The following HNF4G variants were observed in gnomAD, a reference collection of about 807,000 sequenced individuals.
HNF4G encodes the protein hepatocyte nuclear factor 4-gamma.
A neutral mutation model predicts 50.9 loss-of-function variants in HNF4G; 21 were observed. The observed-to-expected ratio is 0.41, with a 90% CI of 0.29 to 0.59. The LOEUF (loss-of-function observed/expected upper bound fraction) is 0.59, where lower values mean the gene tolerates loss of function less well. Ranked by LOEUF, HNF4G falls within the 20% of genes least tolerant of loss-of-function variation. The pLI is 0.26. For synonymous variants in HNF4G, 198 were observed against 185.6 expected, an observed-to-expected ratio of 1.07 and a Z score of -0.54; for missense variants, 527 against 559.4, an observed-to-expected ratio of 0.94 and a Z score of 0.58.
At chr8:75,525,946 A>C in intron 2 of HNF4G, among the ~76,000 whole-genome samples, 1 of 152,156 alleles carries the variant, frequency 6.6e-6, no homozygotes, top group East Asian at 1.9e-4. Flanking sequence ...GTAAAGGATG[A>C]ATCAGAAGCA....
At chr8:75,547,206 T>G (rs753598297) in intron 2 of HNF4G, among the ~76,000 whole-genome samples, 1 of 152,168 alleles carries the variant, frequency 6.6e-6, no homozygotes, top group Non-Finnish European at 1.5e-5. Context: ...GAGAAAAGCA[T>G]GAAAATACAG....
At chr8:75,440,647 A>G (rs1811257231) in intron 1 of HNF4G, among the ~76,000 whole-genome samples, 1 of 152,184 alleles carries the variant, frequency 6.6e-6, no homozygotes, top group East Asian at 1.9e-4. Context: ...GACCAAAATT[A>G]AAGGAAAAAA....
intron 5 of HNF4G, among the ~76,000 whole-genome samples, chr8:75,555,186 G>T (rs542260872): frequency 9.2e-5 from 14 of 152,296 alleles, no homozygotes; most frequent in African/African-American, 3.4e-4. Context: ...GATCACTTTG[G>T]CTTGTATTTT....
At chr8:75,438,367 T>C (rs938378410) in intron 1 of HNF4G, among the ~76,000 whole-genome samples, 3 of 152,170 alleles carry the variant, frequency 2.0e-5, no homozygotes, top group African/African-American at 7.2e-5. Flanking sequence ...CTAAAACTGT[T>C]TCAGAATTAC....
At chr8:75,444,131 C>T (rs1263972870) in intron 1 of HNF4G, among the ~76,000 whole-genome samples, 1 of 151,958 alleles carries the variant, frequency 6.6e-6, no homozygotes, top group Non-Finnish European at 1.5e-5. Context: ...ATTCAACATT[C>T]TTAAAGAAAA....
At chr8:75,451,150 T>C (rs1811575942) in intron 1 of HNF4G, among the ~76,000 whole-genome samples, 1 of 152,230 alleles carries the variant, frequency 6.6e-6, no homozygotes, top group Admixed American at 6.5e-5. Context: ...GAGAAATGTC[T>C]ATTCTGGTCC....
At chr8:75,483,852 T>C (rs963089922) in intron 1 of HNF4G, among the ~76,000 whole-genome samples, 4 of 152,192 alleles carry the variant, frequency 2.6e-5, no homozygotes, top group Admixed American at 2.0e-4. Flanking sequence ...GTTTCTTAGA[T>C]ATATTATCTC....
chr8:75,537,755 C>G (rs1020326608), upstream of HNF4G, among the ~76,000 whole-genome samples: 2 of 151,856 alleles, frequency 1.3e-5, no homozygotes, highest in African/African-American at 4.8e-5. Context: ...ATGTATGAGA[C>G]TTATGAAAAA....
At chr8:75,455,129 C>T (rs1264537630) in intron 1 of HNF4G, among the ~76,000 whole-genome samples, 1 of 152,016 alleles carries the variant, frequency 6.6e-6, no homozygotes, top group African/African-American at 2.4e-5. Context: ...ACTCATCTTC[C>T]AAATTAAGTA....
chr8:75,559,765 C>CAT (rs377692710), intron 8 of HNF4G, among the ~76,000 whole-genome samples: 1,742 of 151,378 alleles, frequency 0.012, 34 homozygotes, highest in African/African-American at 0.038. Context: ...CAACCTAATA[C>CAT]ATATATATAT....
At chr8:75,475,793 A>G (rs1812226219) in intron 1 of HNF4G, among the ~76,000 whole-genome samples, 1 of 152,142 alleles carries the variant, frequency 6.6e-6, no homozygotes, top group African/African-American at 2.4e-5. Flanking sequence ...TTTATAATAA[A>G]CCATAGAAGT....
At chr8:75,410,001 A>G (rs886148826) in intron 1 of HNF4G, among the ~76,000 whole-genome samples, 2 of 152,170 alleles carry the variant, frequency 1.3e-5, no homozygotes, top group African/African-American at 2.4e-5. Context: ...TGAATGGTTC[A>G]TATCATACTA....
At chr8:75,513,850 A>G (rs1805819190) in intron 2 of HNF4G, among the ~76,000 whole-genome samples, 1 of 151,378 alleles carries the variant, frequency 6.6e-6, no homozygotes, top group Admixed American at 6.6e-5. Context: ...ATTTTATTAT[A>G]TTTTATTTAG....
chr8:75,433,171 G>T (rs1811054720), intron 1 of HNF4G, among the ~76,000 whole-genome samples: 1 of 152,104 alleles, frequency 6.6e-6, no homozygotes, highest in Non-Finnish European at 1.5e-5. Context: ...GGAAGCTGAG[G>T]CAGGGGCATG....
chr8:75,458,365 CTAACT>C (rs1329160773), intron 1 of HNF4G, among the ~76,000 whole-genome samples: 1 of 126,768 alleles, frequency 7.9e-6, no homozygotes, highest in African/African-American at 3.2e-5. Context: ...GTTTAATGGT[CTAACT>C]TTTTTTTTTT....
intron 1 of HNF4G, among the ~76,000 whole-genome samples, chr8:75,482,312 T>C (rs954823997): frequency 1.3e-5 from 2 of 152,112 alleles, no homozygotes; most frequent in Non-Finnish European, 2.9e-5. Context: ...GTATTGATCT[T>C]GAAAGATATA....
At chr8:75,503,998 G>A (rs1043309507) in intron 2 of HNF4G, among the ~76,000 whole-genome samples, 3 of 152,078 alleles carry the variant, frequency 2.0e-5, no homozygotes, top group African/African-American at 7.2e-5. Flanking sequence ...GAGGCAGGTG[G>A]ATCATTTGAG....
rs530524380 is a variant in HNF4G, at chr8:75,426,591, C to T, written c.-144+18429C>T. On this transcript the variant is annotated intron_variant, in intron 1 of 10. Transcript: ENST00000354370. ...TCTCTCTGGGACACCTAAATTATAG[C>T]CACTGTTTTAACCTTAATAATATTG... Among the ~76,000 whole-genome samples the T allele has an allele frequency of 4.0e-4, 61 of 152,262 alleles. No individual in the cohort carries two copies. The South Asian group carries it at 9.5e-3, about 24-fold the overall frequency.
chr8:75,514,805 A>G (rs2977915), intron 2 of HNF4G, among the ~76,000 whole-genome samples: 121,745 of 152,078 alleles, frequency 0.8, 49,557 homozygotes, highest in African/African-American at 0.95. Context: ...ATTTTATTTT[A>G]TGATTTCTTT....
Sources: allele counts gnomAD v4.1 joint callset (sites outside exome capture counted in the v4.1 genomes callset), GRCh38; gene constraint gnomAD v4.1.1; transcripts MANE v1.5; gene names NCBI Gene and HGNC (gene_info 2026-07-23, HGNC 2026-07-21).